MCM10: variants seen among roughly 807,000 people sequenced by gnomAD.
MCM10 encodes protein MCM10 homolog.
Under a neutral mutation model 109.9 loss-of-function variants are expected in MCM10, and 91 were observed. The observed-to-expected ratio is 0.83, with a 90% CI of 0.70 to 0.99. The LOEUF (loss-of-function observed/expected upper bound fraction) is 0.99. Among genes scored for constraint, MCM10 ranks in the 50% least tolerant of loss-of-function variants. MCM10 has a pLI of 0.00. For missense variants in MCM10, 1,077 were observed against 1,061.2 expected (o/e 1.01, Z -0.21); for synonymous variants, 380 against 387.2 (o/e 0.98, Z 0.22).
chr10:13,168,254 G>T (rs1234909078), intron 2 of MCM10, among the ~76,000 whole-genome samples: 1 of 152,214 alleles, frequency 6.6e-6, no homozygotes, highest in East Asian at 1.9e-4. Flanking sequence ...CTCTTGCACT[G>T]TGCAGCCTTG....
At chr10:13,197,450 A>G (rs1336800867) in intron 14 of MCM10, among the ~76,000 whole-genome samples, 173 bp from the exon 15 acceptor site, 1 of 152,196 alleles carries the variant, frequency 6.6e-6, no homozygotes, top group Non-Finnish European at 1.5e-5. Context: ...CTCCCATGCT[A>G]TTATATTCTA....
At chr10:13,170,900 C>A (rs377579378) in intron 2 of MCM10, 22 bp from the exon 3 acceptor site, 17 of 1,599,166 alleles carry the variant, frequency 1.1e-5, no homozygotes, top group African/African-American at 2.7e-5. Context: ...TATTCTCTGT[C>A]CTTTCTCTTC....
In MCM10 at chr10:13,191,301, C is replaced by T. The variant is rs1588474507; in HGVS notation, c.1418C>T (p.Ala473Val). The T allele has an allele frequency of 6.2e-7, 1 of 1,610,814 alleles. No individual in the cohort carries two copies. The highest frequency in any genetic ancestry group is 2.2e-5 in the East Asian group (1 of 44,862). The change falls in exon 11 of 20, where the codon GCA becomes GTA. Residue 473 changes from alanine (A) to valine (V), a missense_variant and splice_region_variant. By Grantham distance (64) the Ala-to-Val change is moderately conservative. Coordinates refer to ENST00000378714, the MANE Select transcript of MCM10 (RefSeq NM_018518.5). ...TTGGGGGTGACTTGTCATTTCAGTG[C>T]AGCAGCTGTGGCTCCTAAGAAGAAG... ...VSSASYAASI[A>V]AAVAPKKKIQ...
chr10:13,195,015 G>A lies in MCM10; in HGVS notation c.1746-26G>A, dbSNP rs10796036. 0.87 allele frequency: 1,376,998 copies of A among 1,590,486 alleles called. 597,937 individuals carry two copies. Among genetic ancestry groups the A allele is most frequent in the South Asian group, 0.9 (79,863 of 89,228 alleles). On this transcript the variant is annotated intron_variant, in intron 13 of 19. Transcript: ENST00000378714. The stretch of plus-strand genomic sequence containing the variant: ...TTTTATTTTCGTAAACCCTGTTTGC[G>A]TATTTTGACTGTATGTTCTTTAAAG...
intron 2 of MCM10, among the ~76,000 whole-genome samples, chr10:13,165,294 A>G (rs914322036): frequency 5.9e-5 from 9 of 152,232 alleles, no homozygotes; most frequent in African/African-American, 2.2e-4. Flanking sequence ...TTGCACTCTC[A>G]AAATATCCAT....
rs528581515 is a variant in MCM10 at position 13,165,247 on chromosome 10, A to C, written c.7+1038A>C. ...ACAATTATGACAATATACTGTAATA[A>C]AAGTTATGTGAATGTGGTCTCTCTC... is the stretch of plus-strand genomic sequence containing the variant. On this transcript the variant is annotated intron_variant, in intron 2 of 19. Coordinates refer to ENST00000378714, the MANE Select transcript of MCM10 (RefSeq NM_018518.5). Among the ~76,000 whole-genome samples the C allele has an allele frequency of 2.0e-5, 3 of 152,334 alleles. No homozygotes were observed. In the East Asian group the frequency reaches 5.8e-4, roughly 29 times the overall value.
At chr10:13,162,422 A>G (rs1261053623) in intron 1 of MCM10, among the ~76,000 whole-genome samples, 1 of 152,210 alleles carries the variant, frequency 6.6e-6, no homozygotes, top group Non-Finnish European at 1.5e-5. Context: ...GAAAGGGAAG[A>G]TTACCGTGGC....
chr10:13,204,160 G>A (rs1834537178), intron 17 of MCM10, 59 bp from the exon 18 acceptor site: 2 of 1,586,354 alleles, frequency 1.3e-6, no homozygotes, highest in East Asian at 2.3e-5. Flanking sequence ...TACTGCAGCT[G>A]AGCATTTGTC....
Position 13,209,945 on chromosome 10 carries a change from A to T in MCM10, c.*635A>T, listed in dbSNP as rs1483924491. On this transcript the variant is annotated 3_prime_UTR_variant, in exon 20 of 20. Transcript: ENST00000378714. ...CTCTTTGAAATTGATCAAGCCACTG[A>T]ATCACTTTGCATTTCAGTTTATATA... is the stretch of plus-strand genomic sequence containing the variant. The T allele has an allele frequency of 2.0e-5, 3 of 149,788 alleles. No homozygotes were observed. The highest frequency in any genetic ancestry group is 7.4e-5 in the African/African-American group (3 of 40,516). 9.3% of individuals were successfully genotyped at this position (149,788 alleles called of 1,614,324 possible). A position where few individuals can be genotyped will look rare whatever the true frequency, so the allele number is the denominator to read the frequency against.
chr10:13,210,342 C>T lies in MCM10; in HGVS notation c.*1032C>T, dbSNP rs370261529. On this transcript the variant is annotated 3_prime_UTR_variant, in exon 20 of 20. Transcript: ENST00000378714. ...AAAAAAAAAAAAATGAAAGGTCAAC[C>T]CCTATGCAAATTACCACAGCAAAGG... The T allele has an allele frequency of 6.6e-6, 1 of 152,186 alleles. No individual in the cohort carries two copies. The highest frequency in any genetic ancestry group is 1.9e-4 in the East Asian group (1 of 5,178). The allele number at this position is 152,186 out of a possible 1,614,324, so 9.4% of individuals were successfully genotyped here.
rs779768919 is a variant in MCM10, at chr10:13,186,194, G to T, written c.1129G>T (p.Val377Phe). The change falls in exon 9 of 20, where the codon GTC becomes TTC. Residue 377 changes from valine (V) to phenylalanine (F), a missense_variant. Coordinates refer to ENST00000378714, the MANE Select transcript of MCM10 (RefSeq NM_018518.5). ...VCLSIDHPQK[V>F]LIMGEALDLG... ...TTTATCTATCGATCATCCTCAGAAGGTCTTAATTATGGGTGAAGCTCTTGA... is the reference window on the plus strand; with the variant it reads ...TTTATCTATCGATCATCCTCAGAAGTTCTTAATTATGGGTGAAGCTCTTGA... The T allele has an allele frequency of 6.2e-7, 1 of 1,612,692 alleles. No homozygotes were observed. The highest frequency in any genetic ancestry group is 1.1e-5 in the South Asian group (1 of 91,044).
intron 11 of MCM10, 39 bp from the exon 12 acceptor site, chr10:13,192,216 G>A (rs1834356401): frequency 7.2e-7 from 1 of 1,384,996 alleles, no homozygotes; most frequent in Non-Finnish European, 1.0e-6. Flanking sequence ...CAAACCATCT[G>A]AATGTGAATC....
chr10:13,206,932 G>GT (rs1834589876), intron 18 of MCM10, among the ~76,000 whole-genome samples: 1 of 152,080 alleles, frequency 6.6e-6, no homozygotes, highest in Admixed American at 6.5e-5. Flanking sequence ...TGCCTCCTGA[G>GT]TAGCTGGGAC....
chr10:13,197,220 C>T (rs192698652), intron 14 of MCM10, among the ~76,000 whole-genome samples: 10 of 152,278 alleles, frequency 6.6e-5, no homozygotes, highest in Admixed American at 5.2e-4. Context: ...ATGCCAAGCC[C>T]CATTTCCATT....
At chr10:13,208,916 G>A (rs1834621289) in intron 18 of MCM10, among the ~76,000 whole-genome samples, 175 bp from the exon 19 acceptor site, 1 of 152,204 alleles carries the variant, frequency 6.6e-6, no homozygotes. Context: ...GTCATTGCAG[G>A]TTTATTTTTG....
At chr10:13,177,727 G>A (rs1270630476) in intron 6 of MCM10, among the ~76,000 whole-genome samples, 4 of 151,698 alleles carry the variant, frequency 2.6e-5, no homozygotes, top group East Asian at 1.9e-4. Context: ...AATTTAGCCC[G>A]GTGTGGTGAC....
intron 18 of MCM10, 170 bp downstream of exon 18, chr10:13,204,534 C>T (rs1834544157): frequency 3.9e-6 from 3 of 777,504 alleles, no homozygotes; most frequent in Admixed American, 2.9e-5. Flanking sequence ...AAGGAAGGGA[C>T]CCTGCCCTTT....
intron 2 of MCM10, 47 bp downstream of exon 2, chr10:13,164,256 C>G (rs763709396): frequency 6.4e-7 from 1 of 1,562,678 alleles, no homozygotes; most frequent in Non-Finnish European, 8.7e-7. Context: ...GAAAACTAAC[C>G]TTTTGTCCAT....
intron 2 of MCM10, 97 bp downstream of exon 2, chr10:13,164,306 C>T: frequency 2.6e-6 from 3 of 1,167,388 alleles, no homozygotes; most frequent in Non-Finnish European, 3.6e-6. Flanking sequence ...GGTGAAAATG[C>T]TCCCCAGCCC....
Sources: gnomAD v4.1 joint callset for allele counts (sites outside exome capture counted in the v4.1 genomes callset) on GRCh38, gnomAD v4.1.1 for gene constraint, MANE v1.5 for transcripts, NCBI Gene and HGNC (gene_info 2026-07-23, HGNC 2026-07-21) for gene names.